Variants in ADAMTS12 observed in about 807,000 individuals in gnomAD.
ADAMTS12 encodes A disintegrin and metalloproteinase with thrombospondin motifs 12.
In ADAMTS12, 118 loss-of-function variants were observed where a neutral mutation model predicts 167.8. The ratio of observed to expected loss-of-function variants is 0.70; its 90% CI spans 0.61 to 0.82. The LOEUF (loss-of-function observed/expected upper bound fraction) is 0.82. ADAMTS12 is among the 40% of genes least tolerant of loss of function. ADAMTS12 has a pLI of 0.00. For synonymous variants in ADAMTS12, 704 were observed against 716.9 expected, an observed-to-expected ratio of 0.98 and a Z score of 0.29; for missense variants, 1,916 against 1,998.8, an observed-to-expected ratio of 0.96 and a Z score of 0.79.
At chr5:33,748,157 A>T (rs1241541991) in intron 3 of ADAMTS12, among the ~76,000 whole-genome samples, 1 of 152,134 alleles carries the variant, frequency 6.6e-6, no homozygotes, top group Non-Finnish European at 1.5e-5. Context: ...TCTTCCCCAG[A>T]TTTCTGGAAC....
At chr5:33,697,271 C>A (rs1301306612) in intron 3 of ADAMTS12, among the ~76,000 whole-genome samples, 2 of 152,066 alleles carry the variant, frequency 1.3e-5, no homozygotes, top group Non-Finnish European at 2.9e-5. Context: ...TTGGAGAAGA[C>A]AAAAACCATC....
rs762229349 is a variant in ADAMTS12 at position 33,576,633 on chromosome 5, A to G, written c.3393T>C (p.Ser1131=). Residue 1131 remains serine (S), a synonymous_variant, in exon 19 of 24, where the codon TCT becomes TCC. Coordinates refer to ENST00000504830, the MANE Select transcript of ADAMTS12 (RefSeq NM_030955.4). ...ATTTSGSGLS[S]SRNPITWPVT... is the part of the protein sequence containing the mutation. ...CAGGCCAAGTGATAGGGTTGCGGGAAGATGACAAGCCAGAACCACTTGTTG... is the reference window on the plus strand; with the variant it reads ...CAGGCCAAGTGATAGGGTTGCGGGAGGATGACAAGCCAGAACCACTTGTTG... 2.5e-6 allele frequency: 4 copies of G among 1,614,230 alleles called. No homozygotes were observed. The South Asian group carries it at 3.3e-5, about 13-fold the overall frequency.
At chr5:33,850,308 G>A (rs1749174801) in intron 2 of ADAMTS12, among the ~76,000 whole-genome samples, 1 of 152,158 alleles carries the variant, frequency 6.6e-6, no homozygotes, top group Non-Finnish European at 1.5e-5. Context: ...CTAAAAGAGA[G>A]GATTAATCAG....
intron 2 of ADAMTS12, among the ~76,000 whole-genome samples, chr5:33,762,432 C>T (rs979363138): frequency 6.8e-6 from 1 of 147,802 alleles, no homozygotes; most frequent in African/African-American, 2.5e-5. Context: ...GGTGTGAACC[C>T]GGGAGGCGGG....
At chr5:33,865,903 T>C (rs1164724637) in intron 2 of ADAMTS12, among the ~76,000 whole-genome samples, 1 of 151,750 alleles carries the variant, frequency 6.6e-6, no homozygotes, top group East Asian at 1.9e-4. Context: ...ACATAACCAA[T>C]GAGATAAAAG....
intron 2 of ADAMTS12, among the ~76,000 whole-genome samples, chr5:33,851,195 G>A (rs1252337205): frequency 2.6e-5 from 4 of 152,150 alleles, no homozygotes; most frequent in Admixed American, 6.5e-5. Flanking sequence ...GGCAGATCAC[G>A]AGGTCAGGAG....
At chr5:33,851,561 G>A (rs1413043187) in intron 2 of ADAMTS12, among the ~76,000 whole-genome samples, 4 of 152,114 alleles carry the variant, frequency 2.6e-5, no homozygotes, top group Non-Finnish European at 5.9e-5. Context: ...AGCACTCACC[G>A]ATACATCTCA....
chr5:33,853,653 T>C (rs1339139709), intron 2 of ADAMTS12, among the ~76,000 whole-genome samples: 1 of 152,212 alleles, frequency 6.6e-6, no homozygotes, highest in Non-Finnish European at 1.5e-5. Flanking sequence ...TAGAGCAGCA[T>C]CATTCCCTGC....
intron 2 of ADAMTS12, among the ~76,000 whole-genome samples, chr5:33,790,782 C>CATATATATATATATATAT (rs10622464): frequency 2.2e-4 from 30 of 134,022 alleles, no homozygotes; most frequent in African/African-American, 8.3e-4. Context: ...GACATACAAA[C>CATATATATATATATATAT]ATATATATAT....
chr5:33,687,617 T>C (rs1236012020), intron 3 of ADAMTS12, among the ~76,000 whole-genome samples: 3 of 152,206 alleles, frequency 2.0e-5, no homozygotes, highest in African/African-American at 7.2e-5. Context: ...GGGGTTCAAG[T>C]AATTCCCAAA....
chr5:33,799,238 G>C (rs1290868327), intron 2 of ADAMTS12, among the ~76,000 whole-genome samples: 8 of 152,160 alleles, frequency 5.3e-5, no homozygotes, highest in Non-Finnish European at 8.8e-5. Context: ...TGCTATATTG[G>C]TTGGTTTACT....
intron 6 of ADAMTS12, among the ~76,000 whole-genome samples, chr5:33,660,148 A>G (rs574136522): frequency 3.3e-5 from 5 of 152,298 alleles, no homozygotes; most frequent in African/African-American, 1.2e-4. Flanking sequence ...ACTGTCTAGG[A>G]GCTGTTGAGG....
At chr5:33,868,213 C>T (rs558247552) in intron 2 of ADAMTS12, among the ~76,000 whole-genome samples, 48 of 152,212 alleles carry the variant, frequency 3.2e-4, no homozygotes, top group Middle Eastern at 3.4e-3. Flanking sequence ...AAAATTGGTA[C>T]TTAGAAGTGG....
intron 3 of ADAMTS12, among the ~76,000 whole-genome samples, chr5:33,721,495 G>C (rs1743804544): frequency 6.6e-6 from 1 of 152,188 alleles, no homozygotes; most frequent in Non-Finnish European, 1.5e-5. Context: ...AACATGGCTG[G>C]AGAAAAGGTC....
chr5:33,540,839 A>C (rs1324672143), intron 22 of ADAMTS12, among the ~76,000 whole-genome samples: 3 of 152,238 alleles, frequency 2.0e-5, no homozygotes, highest in African/African-American at 7.2e-5. Context: ...GGTCACCAAC[A>C]TCAAAGACCA....
intron 2 of ADAMTS12, among the ~76,000 whole-genome samples, chr5:33,855,670 G>GC: frequency 6.6e-6 from 1 of 151,884 alleles, no homozygotes; most frequent in East Asian, 1.9e-4. Context: ...TGGGAGAAAT[G>GC]TTTTTTTTCT....
chr5:33,605,957 C>A (rs1738418055), intron 16 of ADAMTS12, among the ~76,000 whole-genome samples: 1 of 151,540 alleles, frequency 6.6e-6, no homozygotes, highest in African/African-American at 2.4e-5. Flanking sequence ...ACAATCCTCT[C>A]TTTTTTTTGA....
At chr5:33,693,099 T>C (rs924844434) in intron 3 of ADAMTS12, among the ~76,000 whole-genome samples, 7 of 152,178 alleles carry the variant, frequency 4.6e-5, no homozygotes, top group Non-Finnish European at 1.0e-4. Context: ...GCTATCTCTG[T>C]TGCTGCTACA....
chr5:33,772,398 C>T (rs1705964674), intron 2 of ADAMTS12, among the ~76,000 whole-genome samples: 1 of 152,124 alleles, frequency 6.6e-6, no homozygotes, highest in African/African-American at 2.4e-5. Flanking sequence ...GCAGCCCAGG[C>T]ATCTTCTACC....
Sources: allele counts gnomAD v4.1 joint callset (sites outside exome capture counted in the v4.1 genomes callset), GRCh38; gene constraint gnomAD v4.1.1; transcripts MANE v1.5; gene names NCBI Gene and HGNC (gene_info 2026-07-23, HGNC 2026-07-21).